CAB39L: variants seen among roughly 807,000 people sequenced by gnomAD.
CAB39L encodes the protein calcium binding protein 39 like, also known as calcium-binding protein 39-like.
A neutral mutation model predicts 39.1 loss-of-function variants in CAB39L; 23 were observed. The observed-to-expected ratio is 0.59, with a 90% CI of 0.42 to 0.83. CAB39L has a LOEUF of 0.83. Ranked by LOEUF, CAB39L falls within the 40% of genes least tolerant of loss-of-function variation. The pLI is 0.00. For synonymous variants in CAB39L, 126 were observed against 137.2 expected, an observed-to-expected ratio of 0.92 and a Z score of 0.57; for missense variants, 366 against 391.9, an observed-to-expected ratio of 0.93 and a Z score of 0.56.
At chr13:49,376,145 T>C (rs1191573336) in intron 5 of CAB39L, among the ~76,000 whole-genome samples, 1 of 152,224 alleles carries the variant, frequency 6.6e-6, no homozygotes, top group Non-Finnish European at 1.5e-5. Context: ...ACTTATTCAG[T>C]GAACAAAACT....
intron 5 of CAB39L, among the ~76,000 whole-genome samples, chr13:49,368,226 A>G (rs1685930038): frequency 6.6e-6 from 1 of 152,242 alleles, no homozygotes; most frequent in Non-Finnish European, 1.5e-5. Context: ...CAACTTTTAC[A>G]TAGAGGAAAA....
chr13:49,376,819 A>T, intron 5 of CAB39L, 148 bp downstream of exon 5: 1 of 606,350 alleles, frequency 1.6e-6, no homozygotes, highest in South Asian at 4.3e-5. Context: ...AAATAGATTA[A>T]TTGTAGACAT....
intron 3 of CAB39L, chr13:49,413,623 C>G (rs1957034227): frequency 6.6e-6 from 1 of 152,124 alleles, no homozygotes; most frequent in Non-Finnish European, 1.5e-5. Flanking sequence ...AGGGAGGGCA[C>G]ATATATTTGT....
intron 5 of CAB39L, among the ~76,000 whole-genome samples, chr13:49,367,962 T>G (rs956865912): frequency 1.3e-5 from 2 of 152,278 alleles, no homozygotes; most frequent in East Asian, 3.9e-4. Flanking sequence ...TACATAAATT[T>G]TATTTATACT....
chr13:49,437,387 T>C (rs1031515422), intron 1 of CAB39L, among the ~76,000 whole-genome samples: 1 of 152,174 alleles, frequency 6.6e-6, no homozygotes, highest in African/African-American at 2.4e-5. Flanking sequence ...AGCCTCCAGG[T>C]AGATGGTGAC....
At chr13:49,441,221 G>GTGTGTATATATATATATATATATATATA (rs1024957572) in intron 1 of CAB39L, among the ~76,000 whole-genome samples, 4 of 121,460 alleles carry the variant, frequency 3.3e-5, no homozygotes, top group African/African-American at 1.1e-4. Context: ...ATGATTTAGT[G>GTGTGTATATATATATATATATATATATA]TATATATATA....
At chr13:49,363,318 A>C (rs749316194) in intron 5 of CAB39L, among the ~76,000 whole-genome samples, 60 of 152,184 alleles carry the variant, frequency 3.9e-4, no homozygotes, top group Non-Finnish European at 6.2e-4. Flanking sequence ...ATAAGACATA[A>C]AGAGAAACAA....
At chr13:49,402,148 G>A (rs1956787182) in intron 3 of CAB39L, among the ~76,000 whole-genome samples, 1 of 152,010 alleles carries the variant, frequency 6.6e-6, no homozygotes, top group Admixed American at 6.5e-5. Context: ...TTGGAAAGAA[G>A]GTTTTTTTTC....
rs577114847 is a variant in CAB39L, at chr13:49,357,178, G to A, written c.395+2536C>T. 7.9e-5 allele frequency among the ~76,000 whole-genome samples: 12 copies of A among 152,236 alleles called. No homozygotes were observed. The South Asian group carries it at 2.5e-3, about 32-fold the overall frequency. Reference sequence around the variant, plus strand: ...TGAACAGTCCTCGAATCTTCTTAAAGGTATATTAATGGTAAGGAACATGGG... The same window carrying A: ...TGAACAGTCCTCGAATCTTCTTAAAAGTATATTAATGGTAAGGAACATGGG... On this transcript the variant is annotated intron_variant, in intron 6 of 10. Transcript: ENST00000409308.
intron 5 of CAB39L, among the ~76,000 whole-genome samples, chr13:49,373,094 T>C (rs1955963552): frequency 1.3e-5 from 2 of 152,248 alleles, no homozygotes; most frequent in African/African-American, 4.8e-5. Flanking sequence ...GAAAGGTTCC[T>C]CAGTCTTCCT....
chr13:49,443,988 G>C lies in CAB39L; in HGVS notation c.-248C>G, dbSNP rs1594115573. ...CAAGATGGCAGCCTCACACCTACCGGAGGAAACAGCTGCGCCACCACTCCA... is the reference window on the plus strand; with the variant it reads ...CAAGATGGCAGCCTCACACCTACCGCAGGAAACAGCTGCGCCACCACTCCA... On this transcript the variant is annotated splice_region_variant and 5_prime_UTR_variant, in exon 1 of 11. Transcript: ENST00000409308. The C allele has an allele frequency of 4.4e-6, 2 of 456,644 alleles. No individual in the cohort carries two copies. The highest frequency in any genetic ancestry group is 3.1e-5 in the South Asian group (2 of 64,574). The allele number at this position is 456,644 out of a possible 1,614,324, so 28.3% of individuals were successfully genotyped here.
chr13:49,344,178 C>G lies in CAB39L; in HGVS notation c.624+1G>C. 6.4e-7 allele frequency: 1 copy of G among 1,554,546 alleles called. No homozygotes were observed. The highest frequency in any genetic ancestry group is 8.9e-7 in the Non-Finnish European group (1 of 1,126,382). On this transcript the variant is annotated splice_donor_variant, in intron 8 of 10. Coordinates refer to ENST00000409308, the MANE Select transcript of CAB39L (RefSeq NM_001079670.3). LOFTEE classifies it high-confidence loss of function. ...AGTCTTTAAAAATGATTTCTACTTACAGTGTCGTAATTTTGTTCTAAGAAG... is the reference window on the plus strand; with the variant it reads ...AGTCTTTAAAAATGATTTCTACTTAGAGTGTCGTAATTTTGTTCTAAGAAG...
chr13:49,392,651 A>AAAAAC (rs1196518618), intron 3 of CAB39L, among the ~76,000 whole-genome samples: 10 of 152,132 alleles, frequency 6.6e-5, no homozygotes, highest in Non-Finnish European at 1.2e-4. Context: ...CAAAAAAAAC[A>AAAAAC]AAAACAAAAC....
chr13:49,419,222 C>T (rs749726219), intron 3 of CAB39L, among the ~76,000 whole-genome samples: 3 of 152,228 alleles, frequency 2.0e-5, no homozygotes, highest in Non-Finnish European at 2.9e-5. Flanking sequence ...CCCGCCTCGG[C>T]CTCCCAAAGT....
At chr13:49,430,354 G>A (rs751106914) in intron 3 of CAB39L, among the ~76,000 whole-genome samples, 1 of 152,126 alleles carries the variant, frequency 6.6e-6, no homozygotes, top group Admixed American at 6.5e-5. Context: ...TAAGGCATAC[G>A]TAAACATTAC....
intron 1 of CAB39L, among the ~76,000 whole-genome samples, chr13:49,442,988 T>C (rs1352211081): frequency 1.3e-5 from 2 of 150,134 alleles, no homozygotes; most frequent in Non-Finnish European, 2.9e-5. Context: ...TGCTAAAATC[T>C]ACCACAAAAT....
intron 5 of CAB39L, among the ~76,000 whole-genome samples, chr13:49,373,050 C>A (rs1439091295): frequency 6.6e-6 from 1 of 152,184 alleles, no homozygotes; most frequent in East Asian, 1.9e-4. Context: ...AGTGCAGAAA[C>A]ACCTTCAAGC....
At chr13:49,398,958 A>G (rs1956702856) in intron 3 of CAB39L, among the ~76,000 whole-genome samples, 1 of 152,058 alleles carries the variant, frequency 6.6e-6, no homozygotes, top group Non-Finnish European at 1.5e-5. Flanking sequence ...AAGTTATACC[A>G]TGGTCTTTTC....
At chr13:49,379,746 T>C (rs959809192) in intron 4 of CAB39L, among the ~76,000 whole-genome samples, 1 of 151,440 alleles carries the variant, frequency 6.6e-6, no homozygotes, top group South Asian at 2.1e-4. Context: ...CAGTAAGCAC[T>C]GCCTTTTTTA....
Sources: gnomAD v4.1 joint callset for allele counts (sites outside exome capture counted in the v4.1 genomes callset) on GRCh38, gnomAD v4.1.1 for gene constraint, MANE v1.5 for transcripts, NCBI Gene and HGNC (gene_info 2026-07-23, HGNC 2026-07-21) for gene names.